The following PRKN variants were observed in gnomAD, a reference collection of about 807,000 sequenced individuals.
The protein encoded by PRKN is parkin RBR E3 ubiquitin protein ligase.
In PRKN, 56 loss-of-function variants were observed where a neutral mutation model predicts 59.5. The ratio of observed to expected loss-of-function variants is 0.94; its 90% CI spans 0.76 to 1.18. The LOEUF (loss-of-function observed/expected upper bound fraction) is 1.18. Among genes scored for constraint, PRKN ranks in the 50% most tolerant of loss-of-function variants. PRKN has a pLI of 0.00. For synonymous variants in PRKN, 250 were observed against 222.1 expected, an observed-to-expected ratio of 1.13 and a Z score of -1.12; for missense variants, 657 against 596.4, an observed-to-expected ratio of 1.10 and a Z score of -1.06.
At chr6:162,627,964 G>A (rs528023370) in intron 1 of PRKN, among the ~76,000 whole-genome samples, 5 of 152,170 alleles carry the variant, frequency 3.3e-5, no homozygotes, top group East Asian at 1.9e-4. Flanking sequence ...CAAACCACTC[G>A]GTATCACTCG....
At chr6:162,017,289 T>A (rs1198821656) in intron 5 of PRKN, among the ~76,000 whole-genome samples, 1 of 152,166 alleles carries the variant, frequency 6.6e-6, no homozygotes, top group Non-Finnish European at 1.5e-5. Flanking sequence ...TATGTAGCAT[T>A]AAATGTTTGC....
At chr6:162,586,261 C>T (rs776357039) in intron 1 of PRKN, among the ~76,000 whole-genome samples, 20 of 152,122 alleles carry the variant, frequency 1.3e-4, no homozygotes, top group African/African-American at 2.7e-4. Context: ...CTTCTAACTA[C>T]GTGATAAAGC....
intron 7 of PRKN, among the ~76,000 whole-genome samples, chr6:161,693,811 A>G (rs142507088): frequency 1.8e-3 from 272 of 152,316 alleles, no homozygotes; most frequent in African/African-American, 6.2e-3. Context: ...CCAATTCCCA[A>G]AGTTTCAAAT....
rs1788259176 is a variant in PRKN, at chr6:162,409,740, A to G, written c.171+33570T>C. Among the ~76,000 whole-genome samples, 3 of 152,222 alleles carry G rather than the reference A, an allele frequency of 2.0e-5. No individual in the cohort carries two copies. The South Asian group carries it at 6.2e-4, about 32-fold the overall frequency. On this transcript the variant is annotated intron_variant, in intron 2 of 11. Transcript: ENST00000366898. ...GTTTGTTTAAACTACATCATGTAGG[A>G]TGAAATTAATACCTCAAGTGGGATT...
chr6:162,119,619 C>T (rs1270330387), intron 4 of PRKN, among the ~76,000 whole-genome samples: 4 of 152,104 alleles, frequency 2.6e-5, no homozygotes, highest in Non-Finnish European at 5.9e-5. Flanking sequence ...GTCCCAGAAG[C>T]AGCTGTTTTT....
At position 161,677,825 on chromosome 6, in the gene PRKN, T is replaced by C. The variant is rs140137611; in HGVS notation, c.871+107947A>G. ...TTGAATCAGTGTTTCTAAAAGAAAA[T>C]GAAAACTTCTCCTTCACTGTGACTC... On this transcript the variant is annotated intron_variant, in intron 7 of 11. Transcript: ENST00000366898. Among the ~76,000 whole-genome samples, 9 of 152,258 alleles carry C rather than the reference T, an allele frequency of 5.9e-5. No homozygotes were observed. In the East Asian group the frequency reaches 1.2e-3, roughly 20 times the overall value.
rs144883149 is a variant in PRKN, at chr6:161,575,174, T to G, written c.872-5758A>C. 4.4e-4 allele frequency among the ~76,000 whole-genome samples: 67 copies of G among 152,314 alleles called. No individual in the cohort carries two copies. The highest frequency in any genetic ancestry group is 3.4e-3 in the Middle Eastern group (1 of 294). On this transcript the variant is annotated intron_variant, in intron 7 of 11. Coordinates refer to ENST00000366898, the MANE Select transcript of PRKN (RefSeq NM_004562.3). The surrounding 1 kb of genome is among the most constrained non-coding windows in gnomAD (Gnocchi z 4.6). ...TGGTGTTAAAAATGAATAAGACAAT[T>G]TGTTAAAAAGCATATAAACACAGGA...
At chr6:162,544,640 ATTTAT>A (rs1222521864) in intron 1 of PRKN, among the ~76,000 whole-genome samples, 35 of 143,238 alleles carry the variant, frequency 2.4e-4, no homozygotes, top group African/African-American at 9.1e-4. Context: ...GCGATCTCAC[ATTTAT>A]TTTATTTTTT....
At chr6:161,883,321 G>T (rs1376142444) in intron 6 of PRKN, among the ~76,000 whole-genome samples, 1 of 152,026 alleles carries the variant, frequency 6.6e-6, no homozygotes, top group East Asian at 1.9e-4. Context: ...GGCCAACATG[G>T]TGATACCCCA....
intron 1 of PRKN, chr6:162,568,854 G>A (rs1780196166): frequency 1.4e-6 from 1 of 718,724 alleles, no homozygotes; most frequent in South Asian, 1.4e-5. Flanking sequence ...GTACAAGGAT[G>A]AGATCAATAA....
At chr6:161,823,664 C>A (rs552967066) in intron 6 of PRKN, among the ~76,000 whole-genome samples, 1 of 152,226 alleles carries the variant, frequency 6.6e-6, no homozygotes, top group African/African-American at 2.4e-5. Flanking sequence ...TAGGGTAACC[C>A]ATTAAAGCCA....
chr6:161,565,440 C>T (rs57784735), intron 8 of PRKN, among the ~76,000 whole-genome samples: 9,409 of 152,132 alleles, frequency 0.062, 357 homozygotes, highest in African/African-American at 0.094. Flanking sequence ...GCCCACACGT[C>T]AAGGGCGGGA....
At chr6:162,528,497 A>T (rs1320200278) in intron 1 of PRKN, among the ~76,000 whole-genome samples, 1 of 147,202 alleles carries the variant, frequency 6.8e-6, no homozygotes, top group Non-Finnish European at 1.5e-5. Flanking sequence ...TACTTAGAAG[A>T]TTCTATTCAC....
intron 3 of PRKN, among the ~76,000 whole-genome samples, chr6:162,207,181 G>T (rs184674152): frequency 6.6e-6 from 1 of 152,052 alleles, no homozygotes; most frequent in African/African-American, 2.4e-5. Flanking sequence ...GACCATCCTG[G>T]CTAACACGAT....
At chr6:162,556,342 G>GGGGGGTGTGTGTGTGTGTGTGTGT (rs1175202893) in intron 1 of PRKN, among the ~76,000 whole-genome samples, 1 of 57,300 alleles carries the variant, frequency 1.7e-5, no homozygotes, top group Non-Finnish European at 3.3e-5. Flanking sequence ...CTACTCAGCT[G>GGGGGGTGTGTGTGTGTGTGTGTGT]GTGTGTGTGT....
At chr6:161,765,146 C>T (rs1789369507) in intron 7 of PRKN, among the ~76,000 whole-genome samples, 1 of 152,214 alleles carries the variant, frequency 6.6e-6, no homozygotes, top group Non-Finnish European at 1.5e-5. Flanking sequence ...CCCAAAAACG[C>T]TTCCATAATC....
At chr6:162,140,205 T>C (rs1200124722) in intron 4 of PRKN, among the ~76,000 whole-genome samples, 1 of 152,202 alleles carries the variant, frequency 6.6e-6, no homozygotes, top group Non-Finnish European at 1.5e-5. Context: ...CAACTTCCCT[T>C]TTAGTTTCCT....
chr6:162,280,574 T>C (rs1000993439), intron 2 of PRKN, among the ~76,000 whole-genome samples: 27 of 152,122 alleles, frequency 1.8e-4, no homozygotes, highest in African/African-American at 5.5e-4. Flanking sequence ...GTGGATCACT[T>C]GAAGCCAGGA....
intron 9 of PRKN, among the ~76,000 whole-genome samples, chr6:161,408,560 T>C (rs1017058150): frequency 6.6e-6 from 1 of 151,800 alleles, no homozygotes; most frequent in African/African-American, 2.4e-5. Context: ...AAAAACTCTT[T>C]CATTTTTCCA....
Sources: gnomAD v4.1 joint callset for allele counts (sites outside exome capture counted in the v4.1 genomes callset) on GRCh38, gnomAD v4.1.1 for gene constraint, Gnocchi (gnomAD v3.1) non-coding constraint, MANE v1.5 for transcripts, NCBI Gene and HGNC (gene_info 2026-07-23, HGNC 2026-07-21) for gene names.